SRGAP3: variants seen among roughly 807,000 people sequenced by gnomAD.
The protein encoded by SRGAP3 is SLIT-ROBO Rho GTPase-activating protein 3.
SRGAP3 carries 39 observed loss-of-function variants against 121.1 expected under a neutral mutation model. That is an observed-to-expected ratio of 0.32 (90% CI 0.25 to 0.42). SRGAP3 has a LOEUF of 0.42. Among genes scored for constraint, SRGAP3 ranks in the 10% least tolerant of loss-of-function variants. The pLI is 1.00. For synonymous variants in SRGAP3, 601 were observed against 570.0 expected, an observed-to-expected ratio of 1.05 and a Z score of -0.77; for missense variants, 1,213 against 1,470.6, an observed-to-expected ratio of 0.82 and a Z score of 2.86.
intron 1 of SRGAP3, among the ~76,000 whole-genome samples, chr3:9,149,012 G>A (rs1056931053): frequency 6.6e-6 from 1 of 151,994 alleles, no homozygotes; most frequent in African/African-American, 2.4e-5. Context: ...TCGGGAGTTC[G>A]AGACGAGCCT....
chr3:9,065,032 G>A (rs375544757), intron 4 of SRGAP3, among the ~76,000 whole-genome samples: 7 of 152,152 alleles, frequency 4.6e-5, no homozygotes, highest in East Asian at 1.9e-4. Context: ...TCCCAGTGCC[G>A]CGGGGAAAGC....
chr3:9,175,958 G>C (rs1951164042), intron 1 of SRGAP3, among the ~76,000 whole-genome samples: 1 of 152,132 alleles, frequency 6.6e-6, no homozygotes, highest in Admixed American at 6.5e-5. Context: ...GCCTCACTCT[G>C]TCACCCAGGC....
intron 1 of SRGAP3, among the ~76,000 whole-genome samples, chr3:9,216,107 C>CAA (rs34004481): frequency 0.97 from 148,048 of 152,270 alleles, 71,986 homozygotes; most frequent in East Asian, 1. Flanking sequence ...CTGACTAATG[C>CAA]ACACTCAGAG....
At chr3:9,326,374 T>G (rs573395004) in intron 2 of SRGAP3, among the ~76,000 whole-genome samples, 1 of 152,082 alleles carries the variant, frequency 6.6e-6, no homozygotes, top group African/African-American at 2.4e-5. Flanking sequence ...TACTCAAATG[T>G]ACCTAAAGTT....
intron 10 of SRGAP3, among the ~76,000 whole-genome samples, chr3:9,045,386 T>C (rs1171015791): frequency 1.3e-5 from 2 of 152,110 alleles, no homozygotes; most frequent in Non-Finnish European, 2.9e-5. Context: ...TTTTTATTGC[T>C]AATCAGCTCA....
chr3:9,061,104 C>T (rs1946150580), intron 5 of SRGAP3, among the ~76,000 whole-genome samples: 1 of 152,164 alleles, frequency 6.6e-6, no homozygotes, highest in Non-Finnish European at 1.5e-5. Flanking sequence ...TGGTGGCATG[C>T]ACCTATAGTC....
At chr3:9,229,170 T>C (rs1319906889) in intron 1 of SRGAP3, among the ~76,000 whole-genome samples, 4 of 152,050 alleles carry the variant, frequency 2.6e-5, no homozygotes, top group Admixed American at 1.3e-4. Context: ...AAAGGTGATA[T>C]TATGGACTAG....
chr3:9,043,918 C>G (rs1477269667), intron 10 of SRGAP3, among the ~76,000 whole-genome samples: 1 of 152,106 alleles, frequency 6.6e-6, no homozygotes, highest in Non-Finnish European at 1.5e-5. Context: ...ACAGAATACC[C>G]ACACCCCAGA....
chr3:9,115,344 C>T (rs949610146), intron 2 of SRGAP3, among the ~76,000 whole-genome samples: 4 of 152,112 alleles, frequency 2.6e-5, no homozygotes, highest in African/African-American at 4.8e-5. Context: ...AAACTAAACC[C>T]GTACATATTA....
chr3:9,253,217 T>C (rs1012180713), upstream of SRGAP3, among the ~76,000 whole-genome samples: 3 of 152,232 alleles, frequency 2.0e-5, no homozygotes, highest in Admixed American at 6.5e-5. Context: ...GTATGGCTCA[T>C]AGCGGAGCCC....
In SRGAP3 at chr3:9,340,743, G is replaced by C. The variant is rs1032375056; in HGVS notation, n.215-10147C>G. ...TTCTTGATGTGTACAAGAGCCCTGT[G>C]GAAGAGATGTTGGACTCTGCCCACA... On this transcript the variant is annotated intron_variant and non_coding_transcript_variant, in intron 1 of 3. Coordinates refer to the SRGAP3 transcript ENST00000490889. Among the ~76,000 whole-genome samples the C allele has an allele frequency of 1.3e-5, 2 of 152,238 alleles. 1 individual carries two copies. The highest frequency in any genetic ancestry group is 1.3e-4 in the Admixed American group (2 of 15,284).
intron 14 of SRGAP3, among the ~76,000 whole-genome samples, chr3:9,019,427 T>C (rs1038819378): frequency 6.6e-6 from 1 of 152,064 alleles, no homozygotes; most frequent in Non-Finnish European, 1.5e-5. Context: ...CTCAGGGGAG[T>C]AGCACTTTTC....
intron 1 of SRGAP3, among the ~76,000 whole-genome samples, chr3:9,220,752 C>G (rs1952787152): frequency 6.6e-6 from 1 of 152,172 alleles, no homozygotes; most frequent in South Asian, 2.1e-4. Context: ...AATTGGGTAG[C>G]ACCTAAAGCC....
At chr3:9,018,678 T>C (rs150768786) in intron 14 of SRGAP3, among the ~76,000 whole-genome samples, 3 of 152,376 alleles carry the variant, frequency 2.0e-5, no homozygotes, top group African/African-American at 7.2e-5. Context: ...TGTTCAAAAG[T>C]TACTCTCTGT....
intron 1 of SRGAP3, among the ~76,000 whole-genome samples, chr3:9,333,850 C>T (rs1369028627): frequency 6.6e-6 from 1 of 152,120 alleles, no homozygotes; most frequent in Non-Finnish European, 1.5e-5. Flanking sequence ...TCAACAATTA[C>T]TGAGAGTCTC....
In SRGAP3 at chr3:9,010,349, A is replaced by T. The variant is rs768484344; in HGVS notation, c.2186T>A (p.Val729Asp). ...PHSEPGAIDEVDHDNGTEPHT... is the reference protein window; with the variant it reads ...PHSEPGAIDEDDHDNGTEPHT... ...AGGCTCAGTGCCATTGTCATGGTCA[A>T]CTTCATCGATGGCCCCTGGCTCGCT... Residue 729 changes from valine to aspartate, a missense_variant, in exon 18 of 22, where the codon GTT becomes GAT. Around this residue, in one of 2 missense-constraint regions of SRGAP3, gnomAD observed 793 missense variants for 1,032.9 expected, o/e 0.77. Transcript: ENST00000383836. 6.2e-7 allele frequency: 1 copy of T among 1,614,066 alleles called. No homozygotes were observed. The highest frequency in any genetic ancestry group is 1.7e-5 in the Admixed American group (1 of 60,020).
intron 11 of SRGAP3, chr3:9,034,884 T>C (rs1421594629): frequency 6.6e-6 from 1 of 152,184 alleles, no homozygotes; most frequent in African/African-American, 2.4e-5. Flanking sequence ...GATAGCAACA[T>C]TGTCACCCTG....
chr3:9,097,564 C>T (rs1391089375), intron 3 of SRGAP3, among the ~76,000 whole-genome samples: 1 of 152,194 alleles, frequency 6.6e-6, no homozygotes. Context: ...TCCCACTGGC[C>T]TCTGCTTTGG....
chr3:9,129,948 G>C (rs1453689535), intron 1 of SRGAP3, among the ~76,000 whole-genome samples: 1 of 151,948 alleles, frequency 6.6e-6, no homozygotes, highest in Non-Finnish European at 1.5e-5. Flanking sequence ...TTTTAGTAGA[G>C]ACAGGGTTTT....
Sources: allele counts gnomAD v4.1 joint callset (sites outside exome capture counted in the v4.1 genomes callset), GRCh38; gene constraint gnomAD v4.1.1; regional missense constraint gnomAD v4.1.1; transcripts MANE v1.5; gene names NCBI Gene and HGNC (gene_info 2026-07-23, HGNC 2026-07-21).